Variants in METTL25 observed in about 807,000 individuals in gnomAD.
The protein encoded by METTL25 is methyltransferase like 25, also known as probable methyltransferase-like protein 25.
METTL25 carries 64 observed loss-of-function variants against 71.6 expected under a neutral mutation model. The ratio of observed to expected loss-of-function variants is 0.89; its 90% confidence interval spans 0.73 to 1.10. METTL25 has a LOEUF of 1.10. Among genes scored for constraint, METTL25 ranks in the 50% least tolerant of loss-of-function variants. The pLI, the probability that METTL25 is intolerant of heterozygous loss-of-function variation, is 0.00. For missense variants in METTL25, 807 were observed against 707.0 expected, an observed-to-expected ratio of 1.14 and a Z score of -1.60; for synonymous variants, 287 against 250.3, an observed-to-expected ratio of 1.15 and a Z score of -1.38.
intron 5 of METTL25, among the ~76,000 whole-genome samples, chr12:82,423,777 A>G (rs953709970): frequency 5.3e-5 from 8 of 152,250 alleles, no homozygotes; most frequent in Non-Finnish European, 8.8e-5. Context: ...CAACAGGCAC[A>G]TGAAAAAATG....
At chr12:82,384,080 GA>G (rs1474650239) in intron 1 of METTL25, among the ~76,000 whole-genome samples, 1 of 152,100 alleles carries the variant, frequency 6.6e-6, no homozygotes. Context: ...GTATAAAGCA[GA>G]ACAGGGACTT....
At chr12:82,400,206 C>T (rs1886478052) in intron 4 of METTL25, among the ~76,000 whole-genome samples, 1 of 151,848 alleles carries the variant, frequency 6.6e-6, no homozygotes, top group East Asian at 1.9e-4. Flanking sequence ...GTGGCAGGTG[C>T]CTATAGTCCC....
At position 82,475,198 on chromosome 12, in the gene METTL25, T is replaced by A. The variant is rs1322545489; in HGVS notation, c.1573-1446T>A. Reference sequence around the variant, plus strand: ...CTTACAACTGCTGATCTTCAGATGGTAAAGGAGAGAACTAAAGGCTGTAAT... The same window carrying A: ...CTTACAACTGCTGATCTTCAGATGGAAAAGGAGAGAACTAAAGGCTGTAAT... On this transcript the variant is annotated intron_variant, in intron 9 of 11. Coordinates refer to ENST00000248306, the MANE Select transcript of METTL25 (RefSeq NM_032230.3). Among the ~76,000 whole-genome samples, 3 of 152,192 alleles carry A rather than the reference T, an allele frequency of 2.0e-5. No individual in the cohort carries two copies. The East Asian group carries it at 5.8e-4, about 29-fold the overall frequency.
chr12:82,441,581 A>T (rs1483718079), intron 8 of METTL25, among the ~76,000 whole-genome samples: 1 of 151,826 alleles, frequency 6.6e-6, no homozygotes, highest in Non-Finnish European at 1.5e-5. Context: ...CAGACTGGCT[A>T]GGGGTTTCCG....
chr12:82,440,015 C>G (rs1311197495), intron 8 of METTL25, among the ~76,000 whole-genome samples: 1 of 151,920 alleles, frequency 6.6e-6, no homozygotes, highest in Non-Finnish European at 1.5e-5. Context: ...GACTTTTCTT[C>G]CTTAGCCCCA....
chr12:82,374,397 A>AT (rs1883591268), intron 1 of METTL25: 1 of 152,186 alleles, frequency 6.6e-6, no homozygotes, highest in African/African-American at 2.4e-5. Context: ...TGATTGGTCC[A>AT]TTTTACAGAG....
chr12:82,376,312 T>C (rs956838621), intron 1 of METTL25, among the ~76,000 whole-genome samples: 1 of 152,232 alleles, frequency 6.6e-6, no homozygotes, highest in African/African-American at 2.4e-5. Flanking sequence ...TAAAAACATG[T>C]ACATCTCTCA....
intron 1 of METTL25, among the ~76,000 whole-genome samples, chr12:82,381,743 G>A: frequency 6.6e-6 from 1 of 152,204 alleles, no homozygotes; most frequent in Non-Finnish European, 1.5e-5. Context: ...TAAGTCAAAA[G>A]TCAACTGCTG....
intron 5 of METTL25, among the ~76,000 whole-genome samples, chr12:82,410,671 T>G (rs1887489124): frequency 6.6e-6 from 1 of 151,924 alleles, no homozygotes; most frequent in Non-Finnish European, 1.5e-5. Context: ...ACAAAAACTT[T>G]TAAAGAAGAG....
At chr12:82,424,139 A>T (rs1390328784) in intron 5 of METTL25, among the ~76,000 whole-genome samples, 2 of 152,190 alleles carry the variant, frequency 1.3e-5, no homozygotes, top group African/African-American at 2.4e-5. Context: ...ACCAACCCAA[A>T]TGTCCAACAA....
At position 82,358,928 on chromosome 12, in the gene METTL25, C is replaced by T. The variant is rs7312732; in HGVS notation, c.259+104C>T. ...GCCAGCAGAACCAGGTGCGTGGCGG[C>T]GGAGGCGGGGCGGCCCGCTGGGAAA... On this transcript the variant is annotated intron_variant, in intron 1 of 11. Coordinates refer to ENST00000248306, the MANE Select transcript of METTL25 (RefSeq NM_032230.3). The T allele has an allele frequency of 4.0e-4, 514 of 1,279,352 alleles. 2 individuals are homozygous for T. The African/African-American group carries it at 6.6e-3, about 16-fold the overall frequency. 79.3% of individuals were successfully genotyped at this position (1,279,352 alleles called of 1,614,324 possible).
At chr12:82,454,800 T>C (rs1891373510) in intron 8 of METTL25, among the ~76,000 whole-genome samples, 1 of 152,000 alleles carries the variant, frequency 6.6e-6, no homozygotes, top group Non-Finnish European at 1.5e-5. Context: ...AGGAACATTT[T>C]ACTCAGGGTC....
At chr12:82,477,897 AG>A (rs1892971348) in intron 11 of METTL25, among the ~76,000 whole-genome samples, 1 of 151,814 alleles carries the variant, frequency 6.6e-6, no homozygotes, top group Non-Finnish European at 1.5e-5. Flanking sequence ...CTCAAAATAA[AG>A]TTTGGTGAAC....
intron 5 of METTL25, among the ~76,000 whole-genome samples, chr12:82,423,909 G>A (rs1303261371): frequency 6.6e-6 from 1 of 152,198 alleles, no homozygotes; most frequent in African/African-American, 2.4e-5. Context: ...AGGATGTGGA[G>A]AAATAGGAAC....
At chr12:82,370,341 A>G (rs1276732691) in intron 1 of METTL25, among the ~76,000 whole-genome samples, 10 of 152,192 alleles carry the variant, frequency 6.6e-5, no homozygotes, top group Admixed American at 5.9e-4. Context: ...GAAGGTGAGT[A>G]ATAGCAAGAT....
At chr12:82,389,785 T>C (rs1257041005) in intron 2 of METTL25, 31 bp from the exon 3 acceptor site, 1 of 1,291,716 alleles carries the variant, frequency 7.7e-7, no homozygotes, top group Non-Finnish European at 1.1e-6. Flanking sequence ...TTTGATTCTT[T>C]AATAGCAGTT....
rs758974315 is a variant in METTL25, at chr12:82,434,749, A to T, written c.1404+25A>T. ...GGTAAGTAAGAGTGTTAACTGATGA[A>T]CACGACAGTTTTTCTCTCAAGTACT... On this transcript the variant is annotated intron_variant, in intron 7 of 11. Coordinates refer to ENST00000248306, the MANE Select transcript of METTL25 (RefSeq NM_032230.3). The T allele has an allele frequency of 5.6e-6, 9 of 1,604,206 alleles. No homozygotes were observed. The Admixed American group carries it at 1.5e-4, about 27-fold the overall frequency.
intron 1 of METTL25, among the ~76,000 whole-genome samples, chr12:82,373,866 C>G (rs952518126): frequency 3.9e-5 from 6 of 152,160 alleles, no homozygotes; most frequent in African/African-American, 1.4e-4. Context: ...GGAGGTCATG[C>G]TAGTCGCTTT....
At chr12:82,366,022 C>T (rs1215638254) in intron 1 of METTL25, among the ~76,000 whole-genome samples, 1 of 152,032 alleles carries the variant, frequency 6.6e-6, no homozygotes, top group African/African-American at 2.4e-5. Flanking sequence ...GCAGAGCTTG[C>T]AGTGAGCCGA....
Sources: allele counts gnomAD v4.1 joint callset (sites outside exome capture counted in the v4.1 genomes callset), GRCh38; gene constraint gnomAD v4.1.1; transcripts MANE v1.5; gene names NCBI Gene and HGNC (gene_info 2026-07-23, HGNC 2026-07-21).